The following REC114 variants were observed in gnomAD, a reference collection of about 807,000 sequenced individuals.
The protein encoded by REC114 is REC114 meiotic recombination protein.
REC114 carries 27 observed loss-of-function variants against 31.3 expected under a neutral mutation model. The ratio of observed to expected loss-of-function variants is 0.86; its 90% confidence interval spans 0.64 to 1.19. The LOEUF is 1.19. Ranked by LOEUF, REC114 falls within the 50% of genes most tolerant of loss-of-function variation. The probability of loss-of-function intolerance (pLI) is 0.00; values close to 1 mark genes in which losing one functional copy is unlikely to be tolerated. For missense variants in REC114, 344 were observed against 326.9 expected, an observed-to-expected ratio of 1.05 and a Z score of -0.40; for synonymous variants, 134 against 127.7, an observed-to-expected ratio of 1.05 and a Z score of -0.33.
At chr15:73,559,716 C>G (rs749302297) in intron 5 of REC114, 36 bp from the exon 6 acceptor site, 4 of 1,503,622 alleles carry the variant, frequency 2.7e-6, no homozygotes, top group Admixed American at 5.1e-5. Context: ...TTGCTTTTAC[C>G]TGTAATCTGT....
chr15:73,550,895 T>G (rs368693421), intron 3 of REC114, 43 bp from the exon 4 acceptor site: 3 of 1,585,806 alleles, frequency 1.9e-6, no homozygotes, highest in Non-Finnish European at 2.6e-6. Context: ...TAAATAGTTA[T>G]ATGATGAGGG....
intron 2 of REC114, among the ~76,000 whole-genome samples, chr15:73,508,503 T>A (rs1893715591): frequency 6.6e-6 from 1 of 151,130 alleles, no homozygotes; most frequent in Non-Finnish European, 1.5e-5. Flanking sequence ...TGCAGGTTAG[T>A]TACATATGTA....
intron 2 of REC114, among the ~76,000 whole-genome samples, chr15:73,485,936 C>G (rs1893358842): frequency 6.6e-6 from 1 of 152,164 alleles, no homozygotes; most frequent in African/African-American, 2.4e-5. Flanking sequence ...TGTTATTTCT[C>G]TTATAAAGAC....
At chr15:73,520,701 T>A (rs959075401) in intron 2 of REC114, among the ~76,000 whole-genome samples, 1 of 152,206 alleles carries the variant, frequency 6.6e-6, no homozygotes, top group East Asian at 1.9e-4. Context: ...ATTAATAGAT[T>A]TGTATGATTA....
At position 73,487,008 on chromosome 15, in the gene REC114, C is replaced by T. The variant is rs151189744; in HGVS notation, c.249+13087C>T. ...TGCACTCCAGCCTGGACAACAAGAG[C>T]GAAACTCTGTCTCAAAAAAAAAAAA... is the stretch of plus-strand genomic sequence containing the variant. On this transcript the variant is annotated intron_variant, in intron 2 of 5. Coordinates refer to ENST00000331090, the MANE Select transcript of REC114 (RefSeq NM_001042367.2). Among the ~76,000 whole-genome samples the T allele has an allele frequency of 4.2e-3, 641 of 151,514 alleles. 6 individuals are homozygous for T. The highest frequency in any genetic ancestry group is 0.014 in the African/African-American group (585 of 41,210).
intron 2 of REC114, 101 bp from the exon 3 acceptor site, chr15:73,540,384 C>T (rs1894221300): frequency 2.2e-6 from 2 of 890,864 alleles, no homozygotes; most frequent in Admixed American, 3.4e-5. Flanking sequence ...TTGAGTTACA[C>T]AATAAACAAA....
At chr15:73,502,048 T>C (rs1292456869) in intron 2 of REC114, among the ~76,000 whole-genome samples, 1 of 152,016 alleles carries the variant, frequency 6.6e-6, no homozygotes, top group Admixed American at 6.6e-5. Context: ...CCCAGCACTT[T>C]AGGAGGCTGA....
At chr15:73,496,609 C>T (rs372175299) in intron 2 of REC114, among the ~76,000 whole-genome samples, 2 of 148,346 alleles carry the variant, frequency 1.3e-5, no homozygotes, top group East Asian at 3.9e-4. Flanking sequence ...GCTGAGATCA[C>T]GCAACTGCAC....
At chr15:73,466,337 G>A (rs1893058902) in intron 1 of REC114, among the ~76,000 whole-genome samples, 1 of 151,860 alleles carries the variant, frequency 6.6e-6, no homozygotes, top group Non-Finnish European at 1.5e-5. Context: ...GGTGGATCAC[G>A]AGGTCAGGAG....
chr15:73,457,065 C>CTTTTTTT (rs934090597), intron 1 of REC114, among the ~76,000 whole-genome samples: 2 of 68,014 alleles, frequency 2.9e-5, no homozygotes, highest in South Asian at 4.4e-4. Context: ...TATTTCTGAG[C>CTTTTTTT]TTTTTTTTTT....
At chr15:73,526,325 A>G (rs1344789348) in intron 2 of REC114, among the ~76,000 whole-genome samples, 1 of 152,142 alleles carries the variant, frequency 6.6e-6, no homozygotes, top group East Asian at 1.9e-4. Context: ...TTTTCTGTGT[A>G]AGTTTAAATC....
intron 3 of REC114, among the ~76,000 whole-genome samples, chr15:73,544,064 T>C (rs1299962252): frequency 1.4e-5 from 2 of 147,250 alleles, no homozygotes; most frequent in Non-Finnish European, 3.0e-5. Flanking sequence ...TTCCGCCCCA[T>C]CCTTCTGAGT....
At chr15:73,546,822 A>AG (rs1259734160) in intron 3 of REC114, among the ~76,000 whole-genome samples, 11 of 151,442 alleles carry the variant, frequency 7.3e-5, no homozygotes, top group Non-Finnish European at 1.5e-4. Context: ...CTCAGGAAAA[A>AG]AAAAAAAAAA....
intron 2 of REC114, among the ~76,000 whole-genome samples, chr15:73,504,819 T>A (rs1893653460): frequency 6.6e-6 from 1 of 152,226 alleles, no homozygotes; most frequent in African/African-American, 2.4e-5. Context: ...TAAAAAATTT[T>A]GTGGGTTTTG....
intron 1 of REC114, among the ~76,000 whole-genome samples, chr15:73,463,853 G>A (rs538122880): frequency 2.0e-4 from 31 of 151,994 alleles, no homozygotes; most frequent in African/African-American, 7.0e-4. Flanking sequence ...CTTCGGTGTT[G>A]GAGGATGTTT....
chr15:73,459,321 G>A lies in REC114; in HGVS notation c.160-14511G>A, dbSNP rs958266538. 6.7e-5 allele frequency among the ~76,000 whole-genome samples: 10 copies of A among 149,598 alleles called. No individual in the cohort carries two copies. In the South Asian group the frequency reaches 1.7e-3, roughly 25 times the overall value. On this transcript the variant is annotated intron_variant, in intron 1 of 5. Transcript: ENST00000331090. ...CTTGGTTTACCACAATCTCCACCTC[G>A]CAGGGTCAAGCGATTCTCCTGCCCC...
At position 73,537,453 on chromosome 15, in the gene REC114, TCTTC is replaced by T. The variant is rs201535745; in HGVS notation, c.250-3028_250-3025del. 7.7e-3 allele frequency among the ~76,000 whole-genome samples: 1,176 copies of T among 152,194 alleles called. 14 individuals are homozygous for T. The highest frequency in any genetic ancestry group is 0.012 in the Non-Finnish European group (817 of 68,026). On this transcript the variant is annotated intron_variant, in intron 2 of 5. Coordinates refer to ENST00000331090, the MANE Select transcript of REC114 (RefSeq NM_001042367.2). ...CCCCTTCTCAGGTCCTGCTTCTGCC[TCTTC>T]CTTGAGTTCATGCCATATTGTAGTG...
chr15:73,478,262 T>TCA (rs1893242108), intron 2 of REC114, among the ~76,000 whole-genome samples: 1 of 53,272 alleles, frequency 1.9e-5, no homozygotes, highest in Non-Finnish European at 3.1e-5. Flanking sequence ...AGACTCTGTC[T>TCA]CAAAAAAAAA....
chr15:73,461,981 G>C (rs1319367936), intron 1 of REC114, among the ~76,000 whole-genome samples: 1 of 143,622 alleles, frequency 7.0e-6, no homozygotes, highest in Non-Finnish European at 1.5e-5. Flanking sequence ...ACCCAGGCTG[G>C]AGTGCGGTGG....
Sources: gnomAD v4.1 joint callset for allele counts (sites outside exome capture counted in the v4.1 genomes callset) on GRCh38, gnomAD v4.1.1 for gene constraint, MANE v1.5 for transcripts, NCBI Gene and HGNC (gene_info 2026-07-23, HGNC 2026-07-21) for gene names.